PKD2L2: variants seen among roughly 807,000 people sequenced by gnomAD.
The protein encoded by PKD2L2 is polycystin 2 like 2, transient receptor potential cation channel.
In PKD2L2, 67 loss-of-function variants were observed where a neutral mutation model predicts 83.9. The observed-to-expected ratio is 0.80, with a 90% confidence interval of 0.66 to 0.98. PKD2L2 has a LOEUF of 0.98. Ranked by LOEUF, PKD2L2 falls within the 50% of genes least tolerant of loss-of-function variation. The pLI, the probability that PKD2L2 is intolerant of heterozygous loss-of-function variation, is 0.00. For synonymous variants in PKD2L2, 223 were observed against 237.8 expected, an observed-to-expected ratio of 0.94 and a Z score of 0.57; for missense variants, 632 against 717.2, an observed-to-expected ratio of 0.88 and a Z score of 1.36.
intron 12 of PKD2L2, among the ~76,000 whole-genome samples, chr5:137,928,049 A>G (rs377187698): frequency 1.3e-5 from 2 of 152,234 alleles, no homozygotes; most frequent in East Asian, 3.8e-4. Flanking sequence ...GGGTTTACTT[A>G]AAGAAAATCA....
intron 8 of PKD2L2, among the ~76,000 whole-genome samples, chr5:137,910,534 A>G (rs906142043): frequency 2.0e-5 from 3 of 151,974 alleles, no homozygotes; most frequent in Non-Finnish European, 2.9e-5. Flanking sequence ...GCACTTTGGG[A>G]GGCCGAGGCG....
At chr5:137,900,862 G>T (rs1756893909) in intron 5 of PKD2L2, among the ~76,000 whole-genome samples, 1 of 152,204 alleles carries the variant, frequency 6.6e-6, no homozygotes, top group Non-Finnish European at 1.5e-5. Context: ...AGTCAGCCAG[G>T]CACGGTGGCT....
At chr5:137,940,442 A>G (rs1581025783) in intron 14 of PKD2L2, 6 of 766,768 alleles carry the variant, frequency 7.8e-6, no homozygotes, top group East Asian at 5.2e-5. Flanking sequence ...GTTACTAAAC[A>G]TAAGTTCAAA....
At chr5:137,914,431 G>T (rs11242398) in intron 8 of PKD2L2, among the ~76,000 whole-genome samples, 22 of 152,042 alleles carry the variant, frequency 1.4e-4, no homozygotes, top group African/African-American at 5.3e-4. Flanking sequence ...AAACACTTCT[G>T]GTTCCAAGCA....
chr5:137,921,862 C>T (rs1758937823), intron 9 of PKD2L2, 106 bp downstream of exon 9: 8 of 871,872 alleles, frequency 9.2e-6, no homozygotes, highest in South Asian at 1.7e-5. Context: ...GAGTACTTTA[C>T]ATTTATTGAG....
At chr5:137,899,277 T>C (rs901670822) in intron 4 of PKD2L2, among the ~76,000 whole-genome samples, 1 of 152,122 alleles carries the variant, frequency 6.6e-6, no homozygotes, top group African/African-American at 2.4e-5. Flanking sequence ...CCACCATGCC[T>C]GGCTAGTTTT....
chr5:137,930,987 G>A (rs969204460), intron 12 of PKD2L2, among the ~76,000 whole-genome samples: 1 of 151,898 alleles, frequency 6.6e-6, no homozygotes, highest in Non-Finnish European at 1.5e-5. Flanking sequence ...ATAAAGGAGA[G>A]AAAGCATAAA....
At position 137,942,399 on chromosome 5, in the gene PKD2L2, C is replaced by T. The variant is rs1420440939; in HGVS notation, c.*33C>T. ...CCTTTTTTAGAGACAGAGTCTCACT[C>T]TGTCGCCCAGGCTGGAACAGCGGTG... On this transcript the variant is annotated 3_prime_UTR_variant, in exon 15 of 15. Transcript: ENST00000508883. 1 of 239,172 alleles carries T rather than the reference C, an allele frequency of 4.2e-6. No individual in the cohort carries two copies. Among genetic ancestry groups the T allele is most frequent in the Non-Finnish European group, 8.1e-6 (1 of 123,480 alleles). The allele number at this position is 239,172 out of a possible 1,614,324, so 14.8% of individuals were successfully genotyped here.
At chr5:137,941,228 C>CA (rs1761706090) in intron 14 of PKD2L2, among the ~76,000 whole-genome samples, 1 of 151,754 alleles carries the variant, frequency 6.6e-6, no homozygotes, top group Non-Finnish European at 1.5e-5. Flanking sequence ...TTTTTTTTAA[C>CA]CATATGTGCC....
At chr5:137,906,624 A>T (rs1375255569) in intron 6 of PKD2L2, among the ~76,000 whole-genome samples, 190 bp downstream of exon 6, 1 of 152,050 alleles carries the variant, frequency 6.6e-6, no homozygotes, top group Non-Finnish European at 1.5e-5. Flanking sequence ...TTTTTTTCTG[A>T]TTTGGTCCTT....
At chr5:137,899,369 G>A (rs993242353) in intron 4 of PKD2L2, 147 bp from the exon 5 acceptor site, 34 of 603,632 alleles carry the variant, frequency 5.6e-5, no homozygotes, top group Middle Eastern at 3.7e-4. Flanking sequence ...CGCCTACCTC[G>A]GCCTCCCAAA....
chr5:137,940,067 C>T (rs940541368), intron 14 of PKD2L2: 13 of 1,614,058 alleles, frequency 8.1e-6, no homozygotes, highest in Non-Finnish European at 1.1e-5. Flanking sequence ...CCTACTTACT[C>T]TCCCATCATT....
Position 137,908,876 on chromosome 5 carries a change from G to C in PKD2L2, c.1258G>C (p.Ala420Pro). 6.2e-7 allele frequency: 1 copy of C among 1,608,180 alleles called. No homozygotes were observed. Among genetic ancestry groups the C allele is most frequent in the South Asian group, 1.1e-5 (1 of 90,496 alleles). ...FAIMFFIIFF[A>P]YAQLGFLVFG... ...CATCATGTTTTTTATAATATTCTTT[G>C]CTTATGCCCAGTTAGGATTTCTTGT... Residue 420 changes from alanine to proline, a missense_variant, in exon 8 of 15, where the codon GCT (alanine) becomes CCT (proline). This residue lies in a region of PKD2L2 where 399 missense variants were observed against 416.9 expected (regional missense o/e 0.96). Coordinates refer to ENST00000508883, the MANE Select transcript of PKD2L2 (RefSeq NM_001300921.2).
chr5:137,897,840 A>G (rs1174425045), intron 4 of PKD2L2, among the ~76,000 whole-genome samples: 1 of 152,182 alleles, frequency 6.6e-6, no homozygotes, highest in East Asian at 1.9e-4. Context: ...TAAGCAGTGC[A>G]TCTTTGAATA....
At chr5:137,936,098 CCT>C (rs973838990) in intron 13 of PKD2L2, among the ~76,000 whole-genome samples, 189 bp downstream of exon 13, 28 of 152,234 alleles carry the variant, frequency 1.8e-4, no homozygotes, top group South Asian at 1.5e-3. Context: ...TGATTACATC[CCT>C]GTTATCTCTA....
chr5:137,928,817 G>A (rs1050518975), intron 12 of PKD2L2, among the ~76,000 whole-genome samples: 8 of 152,230 alleles, frequency 5.3e-5, no homozygotes, highest in East Asian at 3.9e-4. Context: ...CGATCCTCCC[G>A]CCTTGGCCTC....
At position 137,894,552 on chromosome 5, in the gene PKD2L2, G is replaced by C; in HGVS notation, c.467G>C (p.Gly156Ala). The change falls in exon 4 of 15, where the codon GGC becomes GCC. Residue 156 changes from glycine to alanine, a missense_variant. Around this residue, in one of 3 missense-constraint regions of PKD2L2, gnomAD observed 229 missense variants for 281.5 expected, o/e 0.81. Coordinates refer to ENST00000508883, the MANE Select transcript of PKD2L2 (RefSeq NM_001300921.2). ...SFQSLMSECY[G>A]KYTSANEDLS... Reference sequence around the variant, plus strand: ...CAGTCTTTGATGAGTGAATGTTATGGCAAATATACTTCTGCAAATGAAGAC... The same window carrying C: ...CAGTCTTTGATGAGTGAATGTTATGCCAAATATACTTCTGCAAATGAAGAC... 1 of 1,613,106 alleles carries C rather than the reference G, an allele frequency of 6.2e-7. No homozygotes were observed. The highest frequency in any genetic ancestry group is 8.5e-7 in the Non-Finnish European group (1 of 1,179,204).
At chr5:137,926,074 T>A (rs535806492) in intron 12 of PKD2L2, 145 bp downstream of exon 12, 219 of 562,712 alleles carry the variant, frequency 3.9e-4, no homozygotes, top group African/African-American at 3.7e-3. Flanking sequence ...AGAATCTAGA[T>A]CCTTTCATGT....
At chr5:137,894,328 A>T (rs982999442) in intron 3 of PKD2L2, 25 bp from the exon 4 acceptor site, 9 of 1,561,316 alleles carry the variant, frequency 5.8e-6, no homozygotes, top group Non-Finnish European at 8.6e-7. Flanking sequence ...TATTTTTCCC[A>T]TGACATTTGT....
Sources: gnomAD v4.1 joint callset for allele counts (sites outside exome capture counted in the v4.1 genomes callset) on GRCh38, gnomAD v4.1.1 for gene constraint, gnomAD v4.1.1 regional missense constraint, MANE v1.5 for transcripts, NCBI Gene and HGNC (gene_info 2026-07-23, HGNC 2026-07-21) for gene names.